PTPRG: variants seen among roughly 807,000 people sequenced by gnomAD.
The protein encoded by PTPRG is protein tyrosine phosphatase receptor type G.
PTPRG carries 102 observed loss-of-function variants against 165.3 expected under a neutral mutation model. That is an observed-to-expected ratio of 0.62 (90% CI 0.53 to 0.73). The LOEUF is 0.73. Among genes scored for constraint, PTPRG ranks in the 30% least tolerant of loss-of-function variants. The pLI is 0.00. For missense variants in PTPRG, 1,866 were observed against 1,861.4 expected (o/e 1.00, Z -0.05); for synonymous variants, 675 against 669.5 (o/e 1.01, Z -0.13).
chr3:61,812,809 G>C (rs895458065), intron 2 of PTPRG, among the ~76,000 whole-genome samples: 17 of 152,326 alleles, frequency 1.1e-4, no homozygotes, highest in African/African-American at 3.8e-4. Flanking sequence ...AAGTGATAGA[G>C]GGCATTGCGG....
At chr3:62,106,547 C>T (rs989426428) in intron 5 of PTPRG, among the ~76,000 whole-genome samples, 2 of 144,616 alleles carry the variant, frequency 1.4e-5, no homozygotes, top group Admixed American at 7.1e-5. Context: ...GTTGCCCAGG[C>T]TGGGGTGCAG....
intron 2 of PTPRG, among the ~76,000 whole-genome samples, chr3:61,927,901 C>G (rs894684875): frequency 4.6e-5 from 7 of 152,122 alleles, no homozygotes; most frequent in African/African-American, 1.2e-4. Flanking sequence ...CATTTTCCCC[C>G]CTTTCCAGGT....
rs565454255 is a variant in PTPRG, at chr3:62,195,271, G to A, written c.1327+101G>A. ...AGGTGCTGGGGAAAAATACAAACAA[G>A]CCTGGCAGAAGAATCAGTGTAGGGT... On this transcript the variant is annotated intron_variant, in intron 10 of 29. Coordinates refer to ENST00000474889, the MANE Select transcript of PTPRG (RefSeq NM_002841.4). This position sits in a 1 kb window ranked among gnomAD's most constrained non-coding sequence, Gnocchi z 4.4. The A allele has an allele frequency of 2.8e-6, 3 of 1,068,048 alleles. No individual in the cohort carries two copies. The highest frequency in any genetic ancestry group is 2.9e-6 in the Non-Finnish European group (2 of 701,082). The allele number at this position is 1,068,048 out of a possible 1,614,324, so 66.2% of individuals were successfully genotyped here. A position where few individuals can be genotyped will look rare whatever the true frequency, so the allele number is the denominator to read the frequency against.
chr3:62,212,030 A>G (rs1700370730), intron 12 of PTPRG, among the ~76,000 whole-genome samples: 1 of 151,918 alleles, frequency 6.6e-6, no homozygotes, highest in Non-Finnish European at 1.5e-5. Context: ...GTGCTGAAAT[A>G]AAGACGGAGA....
intron 4 of PTPRG, 77 bp from the exon 5 acceptor site, chr3:62,078,086 A>G (rs1389778398): frequency 3.1e-6 from 3 of 971,070 alleles, no homozygotes; most frequent in Non-Finnish European, 4.7e-6. Context: ...GGGAATATAC[A>G]TTTATGGTAC....
chr3:61,685,212 C>A (rs1242885747), intron 1 of PTPRG, among the ~76,000 whole-genome samples: 3 of 152,218 alleles, frequency 2.0e-5, no homozygotes, highest in African/African-American at 7.2e-5. Context: ...TCAGTGGAGG[C>A]AGGAAGAGTT....
At chr3:61,868,970 A>C (rs1420770312) in intron 2 of PTPRG, among the ~76,000 whole-genome samples, 2 of 151,968 alleles carry the variant, frequency 1.3e-5, no homozygotes, top group Non-Finnish European at 2.9e-5. Context: ...GTCACTTCTA[A>C]TAACTTTTTT....
At chr3:61,814,308 G>A (rs1323686391) in intron 2 of PTPRG, among the ~76,000 whole-genome samples, 1 of 152,128 alleles carries the variant, frequency 6.6e-6, no homozygotes, top group Non-Finnish European at 1.5e-5. Flanking sequence ...AGACCCTCTC[G>A]CTCTTTCACC....
rs1390935866 is a variant in PTPRG at position 62,293,515 on chromosome 3, A to G, written c.*208A>G. On this transcript the variant is annotated 3_prime_UTR_variant, in exon 30 of 30. Coordinates refer to ENST00000474889, the MANE Select transcript of PTPRG (RefSeq NM_002841.4). ...TGTTCATTTCACACAGTGAAACGCA[A>G]TTTTACCTAGTTTGCACTATATGAT... 2 of 424,734 alleles carry G rather than the reference A, an allele frequency of 4.7e-6. No homozygotes were observed. Among genetic ancestry groups the G allele is most frequent in the East Asian group, 3.6e-5 (1 of 27,680 alleles). The allele number at this position is 424,734 out of a possible 1,614,324, so 26.3% of individuals were successfully genotyped here.
At chr3:61,948,438 G>A (rs191210312) in intron 2 of PTPRG, among the ~76,000 whole-genome samples, 6 of 152,180 alleles carry the variant, frequency 3.9e-5, no homozygotes, top group African/African-American at 1.4e-4. Flanking sequence ...TGTTCTAGGT[G>A]CTGGGAATTC....
chr3:62,114,623 T>C (rs1477931064), intron 5 of PTPRG, among the ~76,000 whole-genome samples: 2 of 152,192 alleles, frequency 1.3e-5, no homozygotes, highest in East Asian at 3.8e-4. Flanking sequence ...CCTCTAAACA[T>C]ACCAAGATAA....
At position 61,730,082 on chromosome 3, in the gene PTPRG, G is replaced by A. The variant is rs145341780; in HGVS notation, c.86-18796G>A. ...GATGGGTCTTCCTTAGGTCTGCTGCGATTTCTTTGACTGAAGGGGTTTGTG... is the reference window on the plus strand; with the variant it reads ...GATGGGTCTTCCTTAGGTCTGCTGCAATTTCTTTGACTGAAGGGGTTTGTG... On this transcript the variant is annotated intron_variant, in intron 1 of 29. Transcript: ENST00000474889. Among the ~76,000 whole-genome samples, 50 of 152,308 alleles carry A rather than the reference G, an allele frequency of 3.3e-4. 1 individual carries two copies. The East Asian group carries it at 9.5e-3, about 29-fold the overall frequency.
intron 3 of PTPRG, among the ~76,000 whole-genome samples, chr3:61,991,395 G>A (rs2040886217): frequency 1.3e-5 from 2 of 152,030 alleles, no homozygotes; most frequent in Admixed American, 1.3e-4. Context: ...TAGTAGAGAC[G>A]GAATTTTGCC....
intron 2 of PTPRG, among the ~76,000 whole-genome samples, chr3:61,782,036 A>G (rs1379566830): frequency 6.6e-6 from 1 of 152,098 alleles, no homozygotes; most frequent in African/African-American, 2.4e-5. Context: ...TCATAGCTTC[A>G]GCTCAGCAGG....
intron 4 of PTPRG, among the ~76,000 whole-genome samples, chr3:62,043,306 A>G (rs954400537): frequency 6.6e-6 from 1 of 151,998 alleles, no homozygotes; most frequent in East Asian, 1.9e-4. Context: ...TTCATATCCT[A>G]TTTTCTCTTT....
At chr3:61,908,121 TAAAAAA>T (rs1183592777) in intron 2 of PTPRG, among the ~76,000 whole-genome samples, 84 of 67,186 alleles carry the variant, frequency 1.3e-3, no homozygotes, top group Non-Finnish European at 1.4e-3. Context: ...CACCTCTCTT[TAAAAAA>T]AAAAAAAAAA....
intron 2 of PTPRG, among the ~76,000 whole-genome samples, chr3:61,813,113 C>T (rs180834947): frequency 2.4e-4 from 37 of 151,968 alleles, no homozygotes; most frequent in African/African-American, 8.9e-4. Flanking sequence ...TACAGATTCT[C>T]TCTAGCATGA....
intron 4 of PTPRG, among the ~76,000 whole-genome samples, chr3:62,022,507 A>G (rs1173609899): frequency 1.3e-5 from 2 of 152,172 alleles, no homozygotes; most frequent in Non-Finnish European, 2.9e-5. Flanking sequence ...GCATTTTTCA[A>G]TTTAAGTAGA....
At chr3:61,795,014 G>T (rs1379593291) in intron 2 of PTPRG, among the ~76,000 whole-genome samples, 1 of 152,180 alleles carries the variant, frequency 6.6e-6, no homozygotes, top group Admixed American at 6.5e-5. Context: ...AGAAGCAGCA[G>T]TATCAATGAT....
Sources: allele counts gnomAD v4.1 joint callset (sites outside exome capture counted in the v4.1 genomes callset), GRCh38; gene constraint gnomAD v4.1.1; non-coding constraint Gnocchi (gnomAD v3.1); transcripts MANE v1.5; gene names NCBI Gene and HGNC (gene_info 2026-07-23, HGNC 2026-07-21).